The following SRD5A1 variants were observed in gnomAD, a reference collection of about 807,000 sequenced individuals.
The protein encoded by SRD5A1 is 3-oxo-5-alpha-steroid 4-dehydrogenase 1.
In SRD5A1, 22 loss-of-function variants were observed where a neutral mutation model predicts 28.2. That is an observed-to-expected ratio of 0.78 (90% CI 0.56 to 1.12). SRD5A1 has a LOEUF of 1.12. Ranked by LOEUF, SRD5A1 falls within the 50% of genes most tolerant of loss-of-function variation. The pLI is 0.00. For synonymous variants in SRD5A1, 151 were observed against 135.0 expected, an observed-to-expected ratio of 1.12 and a Z score of -0.82; for missense variants, 300 against 346.7, an observed-to-expected ratio of 0.87 and a Z score of 1.07.
At chr5:6,634,029 T>TC (rs936618330) in intron 1 of SRD5A1, among the ~76,000 whole-genome samples, 160 bp downstream of exon 1, 1 of 151,966 alleles carries the variant, frequency 6.6e-6, no homozygotes, top group Non-Finnish European at 1.5e-5. Flanking sequence ...CGGGTGCCCT[T>TC]CCCCGAGTCC....
chr5:6,659,335 G>A (rs375137696), intron 3 of SRD5A1, among the ~76,000 whole-genome samples: 19 of 151,816 alleles, frequency 1.3e-4, no homozygotes, highest in Admixed American at 2.0e-4. Flanking sequence ...GGATGGTCTC[G>A]ATCTCCTGAC....
intron 4 of SRD5A1, among the ~76,000 whole-genome samples, chr5:6,667,702 T>A (rs1739227673): frequency 6.6e-6 from 1 of 152,214 alleles, no homozygotes. Context: ...ATATTGCATT[T>A]CCCCAGATTT....
chr5:6,651,466 G>C (rs1184494434), intron 1 of SRD5A1, among the ~76,000 whole-genome samples: 1 of 152,126 alleles, frequency 6.6e-6, no homozygotes, highest in African/African-American at 2.4e-5. Flanking sequence ...AGACCAGCCT[G>C]AGCAACAGAT....
intron 1 of SRD5A1, among the ~76,000 whole-genome samples, chr5:6,638,665 T>G (rs1197376524): frequency 6.6e-6 from 1 of 152,268 alleles, no homozygotes; most frequent in East Asian, 1.9e-4. Flanking sequence ...TCCTTGGCCC[T>G]TGCCTCATAG....
At chr5:6,667,652 A>AT (rs1739226173) in intron 4 of SRD5A1, among the ~76,000 whole-genome samples, 1 of 152,234 alleles carries the variant, frequency 6.6e-6, no homozygotes, top group Non-Finnish European at 1.5e-5. Flanking sequence ...ACGGAAAATA[A>AT]TGTTTGTTTC....
At chr5:6,644,777 C>A (rs769831838) in intron 1 of SRD5A1, 1 of 425,192 alleles carries the variant, frequency 2.4e-6, no homozygotes, top group South Asian at 1.7e-5. Flanking sequence ...ACACGTACCT[C>A]TGTCAAAACC....
rs1318324869 is a variant in SRD5A1, at chr5:6,674,349, AAAATT to A, written c.*6086_*6090del. The stretch of plus-strand genomic sequence containing the variant: ...TTCTGTAAACATAAAGCTGCTCTAA[AAAATT>A]AAATCTATTAAAAAAAAAACTGAGT... On this transcript the variant is annotated 3_prime_UTR_variant, in exon 5 of 5. Coordinates refer to ENST00000274192, the MANE Select transcript of SRD5A1 (RefSeq NM_001047.4). The A allele has an allele frequency of 5.3e-5, 8 of 152,314 alleles. No individual in the cohort carries two copies. In the South Asian group the frequency reaches 1.2e-3, roughly 24 times the overall value. 9.4% of individuals were successfully genotyped at this position (152,314 alleles called of 1,614,324 possible).
intron 4 of SRD5A1, among the ~76,000 whole-genome samples, chr5:6,663,478 A>C (rs919894244): frequency 9.8e-5 from 15 of 152,314 alleles, no homozygotes; most frequent in Admixed American, 3.9e-4. Flanking sequence ...ATGCCCCCTA[A>C]AATGACATCA....
rs542248419 is a variant in SRD5A1, at chr5:6,670,581, G to GTA, written c.*2317_*2318dup. ...CAACAACATTTGCCAAGCACTTACTGTATATCAAGCACAGCAGTGGGTGCT... is the reference window on the plus strand; with the variant it reads ...CAACAACATTTGCCAAGCACTTACTGTATATATCAAGCACAGCAGTGGGTGCT... On this transcript the variant is annotated 3_prime_UTR_variant, in exon 5 of 5. Transcript: ENST00000274192. 33 of 152,334 alleles carry GTA rather than the reference G, an allele frequency of 2.2e-4. No individual in the cohort carries two copies. The highest frequency in any genetic ancestry group is 6.5e-4 in the African/African-American group (27 of 41,556). 9.4% of individuals were successfully genotyped at this position (152,334 alleles called of 1,614,324 possible).
chr5:6,658,356 G>A (rs948194642), intron 3 of SRD5A1, among the ~76,000 whole-genome samples: 2 of 152,122 alleles, frequency 1.3e-5, no homozygotes, highest in African/African-American at 4.8e-5. Context: ...TGTGAATGGA[G>A]CAGTTGCAGA....
rs1008689579 is a variant in SRD5A1 at position 6,668,320 on chromosome 5, T to C, written c.*52T>C. On this transcript the variant is annotated 3_prime_UTR_variant, in exon 5 of 5. Transcript: ENST00000274192. ...ACTTGAAGCTTTCCAATGGCGCTTC[T>C]CTATGGACTTTGTAAATAAGTTATA... 4.7e-6 allele frequency: 5 copies of C among 1,058,530 alleles called. No homozygotes were observed. The highest frequency in any genetic ancestry group is 5.3e-4 in the Middle Eastern group (2 of 3,802). 65.6% of individuals were successfully genotyped at this position (1,058,530 alleles called of 1,614,324 possible). A position where few individuals can be genotyped will look rare whatever the true frequency, so the allele number is the denominator to read the frequency against.
intron 2 of SRD5A1, among the ~76,000 whole-genome samples, chr5:6,655,316 C>A (rs2126542440): frequency 6.6e-6 from 1 of 152,266 alleles, no homozygotes; most frequent in African/African-American, 2.4e-5. Flanking sequence ...GGCCTTTTGC[C>A]TTTTCTTGAT....
At chr5:6,645,909 T>C (rs1359648957) in intron 1 of SRD5A1, among the ~76,000 whole-genome samples, 1 of 152,166 alleles carries the variant, frequency 6.6e-6, no homozygotes, top group Non-Finnish European at 1.5e-5. Flanking sequence ...GTTTGTTACA[T>C]AGGTATACAC....
intron 3 of SRD5A1, among the ~76,000 whole-genome samples, chr5:6,659,289 A>ATT (rs1485418541): frequency 1.3e-5 from 2 of 151,384 alleles, no homozygotes; most frequent in Non-Finnish European, 2.9e-5. Context: ...AATTTTTTGT[A>ATT]TTTTTACTAG....
rs1056655385 is a variant in SRD5A1 at position 6,671,148 on chromosome 5, C to G, written c.*2880C>G. 6.6e-6 allele frequency: 1 copy of G among 152,090 alleles called. No homozygotes were observed. The highest frequency in any genetic ancestry group is 2.1e-4 in the South Asian group (1 of 4,822). 9.4% of individuals were successfully genotyped at this position (152,090 alleles called of 1,614,324 possible). On this transcript the variant is annotated 3_prime_UTR_variant, in exon 5 of 5. Transcript: ENST00000274192. The stretch of plus-strand genomic sequence containing the variant: ...CAGTGTGGAAGTGTTCCATGATTGC[C>G]GCATGCATGCCAACATCTACTGTTT...
At position 6,645,975 on chromosome 5, in the gene SRD5A1, C is replaced by T. The variant is rs144961396; in HGVS notation, c.294-5867C>T. ...CCGTGATCTGCATTAGGTATTTCTC[C>T]TAATGCTATCCTTCCCCCGATCCCC... On this transcript the variant is annotated intron_variant, in intron 1 of 4. Transcript: ENST00000274192. Among the ~76,000 whole-genome samples, 14 of 152,210 alleles carry T rather than the reference C, an allele frequency of 9.2e-5. No homozygotes were observed. The East Asian group carries it at 2.7e-3, about 29-fold the overall frequency.
chr5:6,643,272 C>T (rs1738416501), intron 1 of SRD5A1, among the ~76,000 whole-genome samples: 1 of 152,102 alleles, frequency 6.6e-6, no homozygotes, highest in South Asian at 2.1e-4. Flanking sequence ...CCAGAGCCGA[C>T]AAAGACTGCT....
At position 6,633,516 on chromosome 5, in the gene SRD5A1, C is replaced by G; in HGVS notation, c.-61C>G. 7.2e-7 allele frequency: 1 copy of G among 1,396,148 alleles called. No individual in the cohort carries two copies. Among genetic ancestry groups the G allele is most frequent in the Non-Finnish European group, 9.2e-7 (1 of 1,084,316 alleles). 86.5% of individuals were successfully genotyped at this position (1,396,148 alleles called of 1,614,324 possible). ...AGCCGCCCCTCCTGCCCCCGCGCCG[C>G]CGCCCTATATGTTGCCCGCCGCGGC... On this transcript the variant is annotated 5_prime_UTR_variant, in exon 1 of 5. Transcript: ENST00000274192.
chr5:6,667,399 C>G (rs1473187333), intron 4 of SRD5A1, among the ~76,000 whole-genome samples: 1 of 152,194 alleles, frequency 6.6e-6, no homozygotes, highest in Non-Finnish European at 1.5e-5. Flanking sequence ...CAGGGTTTTG[C>G]CAACTCCCTC....
Sources: allele counts gnomAD v4.1 joint callset (sites outside exome capture counted in the v4.1 genomes callset), GRCh38; gene constraint gnomAD v4.1.1; transcripts MANE v1.5; gene names NCBI Gene and HGNC (gene_info 2026-07-23, HGNC 2026-07-21).